GOLGB1: variants seen among roughly 807,000 people sequenced by gnomAD.
The protein encoded by GOLGB1 is golgin B1, also known as golgin subfamily B member 1.
GOLGB1 carries 174 observed loss-of-function variants against 336.9 expected under a neutral mutation model. That is an observed-to-expected ratio of 0.52 (90% CI 0.46 to 0.59). The LOEUF (loss-of-function observed/expected upper bound fraction) is 0.59. GOLGB1 is among the 20% of genes least tolerant of loss of function. The probability of loss-of-function intolerance (pLI) is 0.00; values close to 1 mark genes in which losing one functional copy is unlikely to be tolerated. For missense variants in GOLGB1, 3,331 were observed against 3,645.3 expected, an observed-to-expected ratio of 0.91 and a Z score of 2.22; for synonymous variants, 1,208 against 1,289.2, an observed-to-expected ratio of 0.94 and a Z score of 1.35.
chr3:121,727,053 G>A lies in GOLGB1; in HGVS notation c.403-12C>T. On this transcript the variant is annotated splice_polypyrimidine_tract_variant and intron_variant, in intron 4 of 21. Transcript: ENST00000614479. ...GAACTCTTGTCATGCTGAAAATGCAGGAGATAAAGTCATTATTTAAAAGAA... is the reference window on the plus strand; with the variant it reads ...GAACTCTTGTCATGCTGAAAATGCAAGAGATAAAGTCATTATTTAAAAGAA... The A allele has an allele frequency of 6.7e-7, 1 of 1,487,270 alleles. No individual in the cohort carries two copies. The highest frequency in any genetic ancestry group is 1.3e-5 in the South Asian group (1 of 78,690). 92.1% of individuals were successfully genotyped at this position (1,487,270 alleles called of 1,614,324 possible). A position where few individuals can be genotyped will look rare whatever the true frequency, so the allele number is the denominator to read the frequency against.
At chr3:121,706,257 A>T (rs1311062307) in intron 10 of GOLGB1, among the ~76,000 whole-genome samples, 3 of 152,178 alleles carry the variant, frequency 2.0e-5, no homozygotes, top group Non-Finnish European at 2.9e-5. Flanking sequence ...TATATATTTG[A>T]CTAATTCACG....
chr3:121,692,475 G>C lies in GOLGB1; in HGVS notation c.6889C>G (p.Gln2297Glu). ...LQGENKELLS[Q>E]LEETRHLYHS... ...TATAGGTGGCGTGTCTCTTCTAGCT[G>C]GGACAAAAGTTCTTTGTTTTCCCCC... Residue 2297 changes from glutamine (Q) to glutamate (E), a missense_variant, in exon 14 of 22, where the codon CAG (glutamine) becomes GAG (glutamate). Gln to Glu is a conservative substitution (Grantham distance 29). Transcript: ENST00000614479. 3 of 1,613,782 alleles carry C rather than the reference G, an allele frequency of 1.9e-6. No individual in the cohort carries two copies. The highest frequency in any genetic ancestry group is 2.5e-6 in the Non-Finnish European group (3 of 1,179,770).
At chr3:121,709,394 A>C (rs577526659) in intron 10 of GOLGB1, among the ~76,000 whole-genome samples, 4 of 152,336 alleles carry the variant, frequency 2.6e-5, no homozygotes, top group African/African-American at 9.6e-5. Context: ...TGTACAAGGT[A>C]TGTTCACCAA....
chr3:121,684,335 C>T (rs1473099735), intron 14 of GOLGB1, among the ~76,000 whole-genome samples: 2 of 146,216 alleles, frequency 1.4e-5, no homozygotes, highest in South Asian at 2.1e-4. Context: ...GGTCCTACAT[C>T]TAAATAACAA....
intron 7 of GOLGB1, 27 bp from the exon 8 acceptor site, chr3:121,718,528 T>C (rs1944945012): frequency 3.6e-6 from 5 of 1,395,252 alleles, no homozygotes; most frequent in Non-Finnish European, 5.1e-6. Flanking sequence ...TTAGACATAA[T>C]ATGCTAACAA....
chr3:121,741,060 T>C (rs998571272), intron 1 of GOLGB1, among the ~76,000 whole-genome samples: 2 of 152,016 alleles, frequency 1.3e-5, no homozygotes, highest in Non-Finnish European at 2.9e-5. Context: ...AGTTACAAAT[T>C]TAAGATATTC....
In GOLGB1 at chr3:121,695,841, T is replaced by C. The variant is rs1413843182; in HGVS notation, c.4682A>G (p.Asp1561Gly). 6.2e-7 allele frequency: 1 copy of C among 1,613,946 alleles called. No homozygotes were observed. Among genetic ancestry groups the C allele is most frequent in the South Asian group, 1.1e-5 (1 of 91,074 alleles). ...ACTCTGATTTTCCAATAAAGACCTG[T>C]CCATTTCTGTAATGAGTTTGTCTCT... is the stretch of plus-strand genomic sequence containing the variant. ...EERDKLITEMDRSLLENQSLS... is the reference protein window; with the variant it reads ...EERDKLITEMGRSLLENQSLS... The change falls in exon 13 of 22, where the codon GAC becomes GGC. Residue 1561 changes from aspartate to glycine, a missense_variant. Coordinates refer to ENST00000614479, the MANE Select transcript of GOLGB1 (RefSeq NM_001366282.2).
chr3:121,726,085 T>TAA (rs879839160), intron 5 of GOLGB1, among the ~76,000 whole-genome samples: 2 of 140,854 alleles, frequency 1.4e-5, no homozygotes, highest in Non-Finnish European at 3.1e-5. Flanking sequence ...AGAGCCACAC[T>TAA]AAAAAAAAAA....
intron 10 of GOLGB1, among the ~76,000 whole-genome samples, chr3:121,710,389 A>T (rs1182278950): frequency 3.3e-5 from 5 of 152,200 alleles, no homozygotes; most frequent in African/African-American, 1.2e-4. Context: ...AAACAAGAAA[A>T]CTGTAGACTA....
intron 11 of GOLGB1, among the ~76,000 whole-genome samples, chr3:121,700,640 C>T (rs1943323814): frequency 1.3e-5 from 2 of 152,068 alleles, no homozygotes; most frequent in South Asian, 2.1e-4. Flanking sequence ...GTATTGCCCC[C>T]TTTTTGTTCA....
In GOLGB1 at chr3:121,716,884, CT is replaced by C. The variant is rs1339028448; in HGVS notation, c.1140del (p.Glu381ArgfsTer7). 2 of 1,613,954 alleles carry C rather than the reference CT, an allele frequency of 1.2e-6. No homozygotes were observed. The highest frequency in any genetic ancestry group is 3.3e-5 in the Admixed American group (2 of 59,998). On this transcript the variant is annotated frameshift_variant, in exon 9 of 22. Transcript: ENST00000614479. LOFTEE classifies it high-confidence loss of function. ...AGACTCAAAATATGAGAGGTCTTCT[CT>C]TCCATTTCTGCTTTGTGCTTCTGCT... ...ALEQKHKAEM[E>X]EKTSHILSLQ...
intron 13 of GOLGB1, 149 bp downstream of exon 13, chr3:121,693,591 CA>C (rs536520107): frequency 2.0e-4 from 122 of 616,790 alleles, no homozygotes; most frequent in South Asian, 3.7e-4. Flanking sequence ...TGTTGTTTGC[CA>C]AAAAAAAGTC....
At chr3:121,732,024 TA>T (rs1332335244) in intron 1 of GOLGB1, among the ~76,000 whole-genome samples, 16 of 152,154 alleles carry the variant, frequency 1.1e-4, no homozygotes, top group African/African-American at 3.9e-4. Flanking sequence ...TAAAAGATAA[TA>T]AACACTACAA....
intron 5 of GOLGB1, 65 bp downstream of exon 5, chr3:121,726,839 TATTTGTCAC>T (rs1945653678): frequency 9.0e-7 from 1 of 1,110,460 alleles, no homozygotes. Flanking sequence ...TAGAAAAATG[TATTTGTCAC>T]ATAATAATCC....
chr3:121,686,895 T>C (rs760449971), intron 14 of GOLGB1, among the ~76,000 whole-genome samples: 6 of 152,168 alleles, frequency 3.9e-5, no homozygotes, highest in East Asian at 1.9e-4. Flanking sequence ...GGTGTGATTA[T>C]TGCATACTGA....
intron 14 of GOLGB1, among the ~76,000 whole-genome samples, chr3:121,688,659 G>A (rs1265340907): frequency 1.3e-5 from 2 of 151,938 alleles, no homozygotes; most frequent in East Asian, 2.0e-4. Flanking sequence ...CGTCTGGGAC[G>A]TGAGGAGCCC....
At chr3:121,744,242 T>C (rs553365651) in intron 1 of GOLGB1, among the ~76,000 whole-genome samples, 6 of 152,066 alleles carry the variant, frequency 3.9e-5, no homozygotes, top group South Asian at 2.1e-4. Context: ...AGTATTATCA[T>C]CATCCCCATT....
At position 121,695,292 on chromosome 3, in the gene GOLGB1, G is replaced by A. The variant is rs1942839236; in HGVS notation, c.5231C>T (p.Ser1744Phe). 6.2e-7 allele frequency: 1 copy of A among 1,613,646 alleles called. No individual in the cohort carries two copies. Among genetic ancestry groups the A allele is most frequent in the Non-Finnish European group, 8.5e-7 (1 of 1,179,866 alleles). Residue 1744 changes from serine to phenylalanine, a missense_variant, in exon 13 of 22, where the codon TCT becomes TTT. Physicochemically the swap from Ser to Phe is radical, Grantham distance 155. Transcript: ENST00000614479. Reference sequence around the variant, plus strand: ...AGACATTAAAGACTGAAACTTCTTAGAAAGGGTTTCATACTCCATTTTGAC... The same window carrying A: ...AGACATTAAAGACTGAAACTTCTTAAAAAGGGTTTCATACTCCATTTTGAC... ...ERVKMEYETLSKKFQSLMSEK... is the reference protein window; with the variant it reads ...ERVKMEYETLFKKFQSLMSEK...
Position 121,729,301 on chromosome 3 carries a change from T to C in GOLGB1, c.289A>G (p.Lys97Glu). The change falls in exon 4 of 22, where the codon AAA (lysine) becomes GAA (glutamate). Residue 97 changes from lysine (K) to glutamate (E), a missense_variant. Lys to Glu is a moderately conservative substitution (Grantham distance 56, BLOSUM62 1). Transcript: ENST00000614479. ...KAADNKIKKLKLHAKAKLTSL... is the reference protein window; with the variant it reads ...KAADNKIKKLELHAKAKLTSL... ...GTTAATTTGGCCTTCGCATGAAGTT[T>C]TAGTTTTTTAATTTTGTTATCAGCA... 1 of 1,613,066 alleles carries C rather than the reference T, an allele frequency of 6.2e-7. No individual in the cohort carries two copies. The highest frequency in any genetic ancestry group is 8.5e-7 in the Non-Finnish European group (1 of 1,179,234).
Sources: allele counts gnomAD v4.1 joint callset (sites outside exome capture counted in the v4.1 genomes callset), GRCh38; gene constraint gnomAD v4.1.1; transcripts MANE v1.5; gene names NCBI Gene and HGNC (gene_info 2026-07-23, HGNC 2026-07-21).